PRKAA2: variants seen among roughly 807,000 people sequenced by gnomAD.
PRKAA2 encodes 5'-AMP-activated protein kinase catalytic subunit alpha-2.
In PRKAA2, 40 loss-of-function variants were observed where a neutral mutation model predicts 56.3. The observed-to-expected ratio is 0.71, with a 90% CI of 0.55 to 0.92. The LOEUF (loss-of-function observed/expected upper bound fraction) is 0.92, where lower values mean the gene tolerates loss of function less well. Among genes scored for constraint, PRKAA2 ranks in the 40% least tolerant of loss-of-function variants. The probability of loss-of-function intolerance (pLI) is 0.00; values close to 1 mark genes in which losing one functional copy is unlikely to be tolerated. For synonymous variants in PRKAA2, 214 were observed against 234.2 expected (o/e 0.91, Z 0.79); for missense variants, 542 against 686.9 (o/e 0.79, Z 2.36).
At position 56,670,589 on chromosome 1, in the gene PRKAA2, G is replaced by A. The variant is rs546228801; in HGVS notation, c.95-3792G>A. ...TGCAGGCTGTACGCTGGGTAGCCAT[G>A]TACTCAGTTGTAATTTGGGAGTTTG... On this transcript the variant is annotated intron_variant, in intron 1 of 8. Transcript: ENST00000371244. 6.6e-5 allele frequency among the ~76,000 whole-genome samples: 10 copies of A among 152,292 alleles called. No individual in the cohort carries two copies. The East Asian group carries it at 1.9e-3, about 29-fold the overall frequency.
intron 1 of PRKAA2, among the ~76,000 whole-genome samples, chr1:56,665,066 C>T (rs1352337847): frequency 1.3e-5 from 2 of 148,898 alleles, no homozygotes; most frequent in African/African-American, 4.9e-5. Context: ...TCCGCTCTAG[C>T]TAGTTCCTAT....
rs552754504 is a variant in PRKAA2, at chr1:56,707,373, G to T, written c.1421-102G>T. 12 of 928,750 alleles carry T rather than the reference G, an allele frequency of 1.3e-5. No homozygotes were observed. The East Asian group carries it at 1.7e-4, about 13-fold the overall frequency. 57.5% of individuals were successfully genotyped at this position (928,750 alleles called of 1,614,324 possible). A position where few individuals can be genotyped will look rare whatever the true frequency, so the allele number is the denominator to read the frequency against. On this transcript the variant is annotated intron_variant, in intron 8 of 8. Transcript: ENST00000371244. ...TGACATTCATTATTAAGTTGCCCTT[G>T]CTCAGATGTGTTTACTTAATATTCT...
At position 56,668,411 on chromosome 1, in the gene PRKAA2, T is replaced by TAA. The variant is rs11353693; in HGVS notation, c.95-5956_95-5955dup. On this transcript the variant is annotated intron_variant, in intron 1 of 8. Transcript: ENST00000371244. ...CACATGTACCCCAAAACTTAAAGTA[T>TAA]AAAAAAAAAAAAAAAGAAATACCAC... 8.9e-4 allele frequency among the ~76,000 whole-genome samples: 127 copies of TAA among 142,290 alleles called. 1 individual carries two copies. The highest frequency in any genetic ancestry group is 6.9e-3 in the South Asian group (31 of 4,462). 93.3% of individuals were successfully genotyped at this position (142,290 alleles called of 152,430 possible). A position where few individuals can be genotyped will look rare whatever the true frequency, so the allele number is the denominator to read the frequency against.
intron 2 of PRKAA2, among the ~76,000 whole-genome samples, chr1:56,678,693 ATTTTT>A (rs144835366): frequency 3.2e-5 from 4 of 123,478 alleles, no homozygotes; most frequent in Admixed American, 1.6e-4. Flanking sequence ...ATCTTGTCTA[ATTTTT>A]TTTTTTTTTT....
chr1:56,681,549 G>T (rs2100413056), intron 2 of PRKAA2, among the ~76,000 whole-genome samples: 1 of 152,314 alleles, frequency 6.6e-6, no homozygotes, highest in African/African-American at 2.4e-5. Flanking sequence ...TGTAAGGAAG[G>T]GGTCCAGTTT....
intron 2 of PRKAA2, among the ~76,000 whole-genome samples, chr1:56,685,616 T>C (rs1644185804): frequency 6.6e-6 from 1 of 152,194 alleles, no homozygotes; most frequent in East Asian, 1.9e-4. Flanking sequence ...CACTACTTAG[T>C]CTTTCAAATG....
chr1:56,656,794 C>G (rs2143749), intron 1 of PRKAA2, among the ~76,000 whole-genome samples: 52,246 of 151,956 alleles, frequency 0.34, 9,277 homozygotes, highest in Admixed American at 0.48. Context: ...TTTGGTTATG[C>G]CATCCTGACG....
chr1:56,659,173 G>T (rs577232495), intron 1 of PRKAA2, among the ~76,000 whole-genome samples: 3 of 151,526 alleles, frequency 2.0e-5, no homozygotes, highest in South Asian at 2.1e-4. Flanking sequence ...TTTTCCTGCG[G>T]AATCCTAGAT....
chr1:56,659,509 A>G (rs1643976415), intron 1 of PRKAA2, among the ~76,000 whole-genome samples: 3 of 151,506 alleles, frequency 2.0e-5, no homozygotes, highest in South Asian at 2.1e-4. Flanking sequence ...AAAAAAAAAA[A>G]GGAAAAAAAA....
intron 1 of PRKAA2, among the ~76,000 whole-genome samples, chr1:56,657,452 G>A (rs1643953948): frequency 6.6e-6 from 1 of 152,176 alleles, no homozygotes; most frequent in Non-Finnish European, 1.5e-5. Flanking sequence ...CCAAGGCGGG[G>A]ATCACCTGAG....
intron 1 of PRKAA2, among the ~76,000 whole-genome samples, chr1:56,665,700 G>A (rs1644030286): frequency 6.6e-6 from 1 of 152,048 alleles, no homozygotes; most frequent in Non-Finnish European, 1.5e-5. Flanking sequence ...ACTAATACAT[G>A]GCATTGTCTG....
chr1:56,670,519 T>C (rs1644067456), intron 1 of PRKAA2, among the ~76,000 whole-genome samples: 1 of 152,164 alleles, frequency 6.6e-6, no homozygotes, highest in South Asian at 2.1e-4. Context: ...GGCTGGAACA[T>C]ACTCAGGTGG....
At chr1:56,646,561 C>A (rs1254732520) in intron 1 of PRKAA2, among the ~76,000 whole-genome samples, 1 of 152,090 alleles carries the variant, frequency 6.6e-6, no homozygotes, top group Non-Finnish European at 1.5e-5. Flanking sequence ...ATTTAATTAA[C>A]CTGCCTTCTC....
chr1:56,682,471 G>A (rs1406549514), intron 2 of PRKAA2, among the ~76,000 whole-genome samples: 1 of 152,176 alleles, frequency 6.6e-6, no homozygotes, highest in African/African-American at 2.4e-5. Context: ...AAGAGGTGAA[G>A]CAAACTTCAA....
chr1:56,651,056 C>T (rs1643892561), intron 1 of PRKAA2, among the ~76,000 whole-genome samples: 1 of 152,090 alleles, frequency 6.6e-6, no homozygotes, highest in Admixed American at 6.5e-5. Context: ...AGTGTGGAAG[C>T]CCTGAACAAT....
intron 2 of PRKAA2, among the ~76,000 whole-genome samples, chr1:56,685,525 G>C (rs1644184845): frequency 6.6e-6 from 1 of 152,150 alleles, no homozygotes; most frequent in Non-Finnish European, 1.5e-5. Flanking sequence ...GTGAATTAAT[G>C]CATCTAGGCT....
Position 56,715,039 on chromosome 1 carries a change from A to G in PRKAA2, c.*7326A>G, listed in dbSNP as rs1016314991. ...AATTGGTTTCAAGAAAAAAAAATGAACAGACTTCCAGTGCTTTTCTGTTCA... is the reference window on the plus strand; with the variant it reads ...AATTGGTTTCAAGAAAAAAAAATGAGCAGACTTCCAGTGCTTTTCTGTTCA... On this transcript the variant is annotated 3_prime_UTR_variant, in exon 9 of 9. Coordinates refer to ENST00000371244, the MANE Select transcript of PRKAA2 (RefSeq NM_006252.4). 9 of 152,066 alleles carry G rather than the reference A, an allele frequency of 5.9e-5. No individual in the cohort carries two copies. The highest frequency in any genetic ancestry group is 2.2e-4 in the African/African-American group (9 of 41,436). 9.4% of individuals were successfully genotyped at this position (152,066 alleles called of 1,614,324 possible). A position where few individuals can be genotyped will look rare whatever the true frequency, so the allele number is the denominator to read the frequency against.
At chr1:56,700,644 T>A (rs1428785913) in intron 6 of PRKAA2, among the ~76,000 whole-genome samples, 1 of 152,176 alleles carries the variant, frequency 6.6e-6, no homozygotes, top group Admixed American at 6.5e-5. Context: ...TGTTTTTTCT[T>A]TTTTAACAAA....
intron 6 of PRKAA2, among the ~76,000 whole-genome samples, chr1:56,698,754 G>A (rs1205968013): frequency 4.6e-5 from 7 of 151,912 alleles, no homozygotes; most frequent in East Asian, 3.9e-4. Context: ...TTGGAAGTTC[G>A]GAAATATATC....
Sources: allele counts gnomAD v4.1 joint callset (sites outside exome capture counted in the v4.1 genomes callset), GRCh38; gene constraint gnomAD v4.1.1; transcripts MANE v1.5; gene names NCBI Gene and HGNC (gene_info 2026-07-23, HGNC 2026-07-21).